Variants in PCDHGA1 observed in about 807,000 individuals in gnomAD.
The protein encoded by PCDHGA1 is protocadherin gamma subfamily A, 1.
Under a neutral mutation model 58.0 loss-of-function variants are expected in PCDHGA1, and 32 were observed. The observed-to-expected ratio is 0.55, with a 90% confidence interval of 0.42 to 0.74. The LOEUF is 0.74. PCDHGA1 is among the 30% of genes least tolerant of loss of function. PCDHGA1 has a pLI of 0.00. For synonymous variants in PCDHGA1, 498 were observed against 501.1 expected (o/e 0.99, Z 0.08); for missense variants, 1,205 against 1,182.3 (o/e 1.02, Z -0.28).
At chr5:141,350,295 G>A (rs748197603) in intron 1 of PCDHGA1, 1 of 1,518,322 alleles carries the variant, frequency 6.6e-7, no homozygotes, top group Admixed American at 2.3e-5. Flanking sequence ...ATGATGAAAA[G>A]TCAGGTACTG....
At chr5:141,404,620 T>C in intron 1 of PCDHGA1, 2 of 1,614,162 alleles carry the variant, frequency 1.2e-6, no homozygotes, top group Non-Finnish European at 1.7e-6. Context: ...TGGACCAGAA[T>C]GACAATGCCC....
intron 1 of PCDHGA1, among the ~76,000 whole-genome samples, chr5:141,381,246 A>G (rs2150176708): frequency 6.6e-6 from 1 of 152,374 alleles, no homozygotes; most frequent in Non-Finnish European, 1.5e-5. Context: ...TCCAGGACCT[A>G]GAAGAATTTA....
chr5:141,422,919 G>C (rs1445179310), intron 1 of PCDHGA1: 9 of 1,614,120 alleles, frequency 5.6e-6, no homozygotes, highest in Non-Finnish European at 6.8e-6. Context: ...CCGAGATCCT[G>C]TACCCTGCCC....
rs748566066 is a variant in PCDHGA1, at chr5:141,331,061, T to G, written c.377T>G (p.Ile126Ser). 1 of 1,614,194 alleles carries G rather than the reference T, an allele frequency of 6.2e-7. No individual in the cohort carries two copies. The highest frequency in any genetic ancestry group is 1.1e-5 in the South Asian group (1 of 91,080). Residue 126 changes from isoleucine to serine, a missense_variant, in exon 1 of 4, where the codon ATT (isoleucine) becomes AGT (serine). Coordinates refer to ENST00000517417, the MANE Select transcript of PCDHGA1 (RefSeq NM_018912.3). ...LFPVEVEIID[I>S]NDNTPQFQLE... ...CCTGTTGAAGTAGAAATAATTGATA[T>G]TAATGACAACACTCCCCAATTCCAG...
intron 1 of PCDHGA1, chr5:141,351,899 T>C (rs1415684229): frequency 1.9e-6 from 3 of 1,613,280 alleles, no homozygotes; most frequent in Non-Finnish European, 2.5e-6. Context: ...CCTGCGCGTG[T>C]TGGTGGGCGA....
intron 1 of PCDHGA1, chr5:141,383,889 G>A (rs1206410102): frequency 3.1e-6 from 5 of 1,613,938 alleles, no homozygotes; most frequent in Non-Finnish European, 4.2e-6. Context: ...GTCTGACAAA[G>A]GCAAAAGTAC....
chr5:141,383,655 C>T, intron 1 of PCDHGA1: 1 of 1,613,986 alleles, frequency 6.2e-7, no homozygotes, highest in East Asian at 2.2e-5. Context: ...TAACTGTCCC[C>T]GAGAATGTGC....
In PCDHGA1 at chr5:141,410,786, TTCA is replaced by T. The variant is rs1001093749; in HGVS notation, c.2421+77683_2421+77685del. ...ATTATAGTTTTCACTATGTATTTGG[TTCA>T]TAAGTTGCTCTATCTTTTTGTAAAA... On this transcript the variant is annotated intron_variant, in intron 1 of 3. Transcript: ENST00000517417. 39 of 852,378 alleles carry T rather than the reference TTCA, an allele frequency of 4.6e-5. No homozygotes were observed. In the African/African-American group the frequency reaches 6.2e-4, roughly 13 times the overall value. 52.8% of individuals were successfully genotyped at this position (852,378 alleles called of 1,614,324 possible). A position where few individuals can be genotyped will look rare whatever the true frequency, so the allele number is the denominator to read the frequency against.
intron 1 of PCDHGA1, chr5:141,394,616 C>G: frequency 6.2e-7 from 1 of 1,613,490 alleles, no homozygotes; most frequent in Non-Finnish European, 8.5e-7. Flanking sequence ...CGGGCCAGAA[C>G]GCCTGGCTGT....
At chr5:141,423,470 A>G in intron 1 of PCDHGA1, 1 of 1,614,002 alleles carries the variant, frequency 6.2e-7, no homozygotes, top group Non-Finnish European at 8.5e-7. Context: ...GACGGGGTAC[A>G]GGCTTTCCTG....
chr5:141,418,247 G>A, intron 1 of PCDHGA1: 1 of 1,614,032 alleles, frequency 6.2e-7, no homozygotes, highest in Non-Finnish European at 8.5e-7. Context: ...TAATGACCAC[G>A]CCCCTCAATT....
intron 1 of PCDHGA1, chr5:141,409,130 G>C (rs1265386524): frequency 2.5e-6 from 4 of 1,613,994 alleles, no homozygotes; most frequent in Non-Finnish European, 3.4e-6. Flanking sequence ...ATTTGATTTT[G>C]AAGATGTAGA....
At chr5:141,408,917 C>G in intron 1 of PCDHGA1, 1 of 1,613,366 alleles carries the variant, frequency 6.2e-7, no homozygotes, top group South Asian at 1.1e-5. Flanking sequence ...CAATGATAAC[C>G]CCCCGGTTTT....
intron 1 of PCDHGA1, chr5:141,428,481 C>T (rs2097141995): frequency 3.0e-6 from 1 of 331,008 alleles, no homozygotes; most frequent in Non-Finnish European, 5.8e-6. Flanking sequence ...TGCTTTATTC[C>T]TGCAATCTGT....
intron 1 of PCDHGA1, chr5:141,398,312 C>A: frequency 1.5e-6 from 2 of 1,355,208 alleles, no homozygotes; most frequent in East Asian, 2.5e-5. Flanking sequence ...CAGGAGTTAC[C>A]GACTCGAAAA....
chr5:141,353,265 C>G (rs1307972871), intron 1 of PCDHGA1, among the ~76,000 whole-genome samples: 1 of 152,154 alleles, frequency 6.6e-6, no homozygotes, highest in Non-Finnish European at 1.5e-5. Context: ...ATATGCAATA[C>G]TATATTTTCA....
At chr5:141,406,255 A>G (rs1456869005) in intron 1 of PCDHGA1, among the ~76,000 whole-genome samples, 1 of 151,948 alleles carries the variant, frequency 6.6e-6, no homozygotes, top group Admixed American at 6.5e-5. Context: ...ACTGGTCTCA[A>G]ACGATCTTCC....
Position 141,483,381 on chromosome 5 carries a change from G to T in PCDHGA1, c.2422-11426G>T, listed in dbSNP as rs147887550. ...AAGCTATTGCAATATTTGAAGAGAA[G>T]ATTGATAAATGCTTGAACCAGCACA... On this transcript the variant is annotated intron_variant, in intron 1 of 3. Transcript: ENST00000517417. 2.0e-3 allele frequency among the ~76,000 whole-genome samples: 305 copies of T among 152,292 alleles called. 2 individuals are homozygous for T. Among genetic ancestry groups the T allele is most frequent in the African/African-American group, 6.9e-3 (286 of 41,558 alleles).
chr5:141,472,795 G>A (rs939788734), intron 1 of PCDHGA1, among the ~76,000 whole-genome samples: 1 of 151,794 alleles, frequency 6.6e-6, no homozygotes, highest in Non-Finnish European at 1.5e-5. Flanking sequence ...AGATCAGCCT[G>A]ACCAACATGG....
Sources: allele counts gnomAD v4.1 joint callset (sites outside exome capture counted in the v4.1 genomes callset), GRCh38; gene constraint gnomAD v4.1.1; transcripts MANE v1.5; gene names NCBI Gene and HGNC (gene_info 2026-07-23, HGNC 2026-07-21).